Variants in TRARG1 observed in about 807,000 individuals in gnomAD.
TRARG1 encodes the protein trafficking regulator of GLUT4 (SLC2A4) 1 (gene/pseudogene).
A neutral mutation model predicts 13.3 loss-of-function variants in TRARG1; 16 were observed. That is an observed-to-expected ratio of 1.20 (90% confidence interval 0.81 to 1.83). The LOEUF is 1.83. Among genes scored for constraint, TRARG1 ranks in the 40% most tolerant of loss-of-function variants. The pLI, the probability that TRARG1 is intolerant of heterozygous loss-of-function variation, is 0.00. For missense variants in TRARG1, 250 were observed against 237.4 expected (o/e 1.05, Z -0.35); for synonymous variants, 113 against 106.2 (o/e 1.06, Z -0.39).
At chr17:1,294,708 G>A (rs1420393890) in intron 1 of TRARG1, among the ~76,000 whole-genome samples, 1 of 132,620 alleles carries the variant, frequency 7.5e-6, no homozygotes, top group African/African-American at 2.9e-5. Flanking sequence ...TTTTTTTTGA[G>A]ACGGAGTCTT....
chr17:1,298,112 G>T, intron 2 of TRARG1, 139 bp from the exon 3 acceptor site: 1 of 973,958 alleles, frequency 1.0e-6, no homozygotes, highest in South Asian at 1.8e-5. Flanking sequence ...AACCAAAGAG[G>T]TTCCCAAGCC....
chr17:1,290,461 A>G (rs2072061604), intron 1 of TRARG1, among the ~76,000 whole-genome samples: 2 of 151,664 alleles, frequency 1.3e-5, no homozygotes, highest in Admixed American at 6.6e-5. Context: ...ACGCCCGGCT[A>G]ATTTTTGTAT....
chr17:1,284,475 G>A (rs2072006409), intron 1 of TRARG1, among the ~76,000 whole-genome samples: 1 of 152,138 alleles, frequency 6.6e-6, no homozygotes. Context: ...TCAGCAGAGG[G>A]GACCCTCGTA....
At chr17:1,289,573 T>C (rs2072056027) in intron 1 of TRARG1, among the ~76,000 whole-genome samples, 1 of 150,966 alleles carries the variant, frequency 6.6e-6, no homozygotes, top group South Asian at 2.1e-4. Flanking sequence ...ACTCCCTCCT[T>C]CTTTCCCATC....
At chr17:1,287,859 G>C (rs562419270) in intron 1 of TRARG1, among the ~76,000 whole-genome samples, 2 of 151,640 alleles carry the variant, frequency 1.3e-5, no homozygotes, top group Non-Finnish European at 2.9e-5. Context: ...CACCATGTTG[G>C]TCAGGCTGGT....
chr17:1,280,539 C>T, intron 1 of TRARG1, 151 bp downstream of exon 1: 1 of 893,408 alleles, frequency 1.1e-6, no homozygotes, highest in East Asian at 2.5e-5. Flanking sequence ...CACTGGCCTC[C>T]TCCTTCCTCT....
At position 1,288,724 on chromosome 17, in the gene TRARG1, C is replaced by T. The variant is rs1451113642; in HGVS notation, c.388-6767C>T. 2.3e-4 allele frequency among the ~76,000 whole-genome samples: 11 copies of T among 47,828 alleles called. No individual in the cohort carries two copies. The East Asian group carries it at 3.8e-3, about 16-fold the overall frequency. The allele number at this position is 47,828 out of a possible 152,430, so 31.4% of individuals were successfully genotyped here. On this transcript the variant is annotated intron_variant, in intron 1 of 2. Coordinates refer to ENST00000333813, the MANE Select transcript of TRARG1 (RefSeq NM_172367.3). ...CCCCCACCGGGTTCCCCATCCCCCA[C>T]GGGTTCCCCATCCCCCACGGGCTCC... is the stretch of plus-strand genomic sequence containing the variant.
intron 2 of TRARG1, 111 bp from the exon 3 acceptor site, chr17:1,298,140 T>A (rs1481034485): frequency 1.1e-5 from 15 of 1,330,794 alleles, no homozygotes; most frequent in Non-Finnish European, 1.6e-5. Context: ...TCTCCCCTTA[T>A]CCCTATTACC....
rs1380818826 is a variant in TRARG1 at position 1,297,791 on chromosome 17, G to A, written c.521-460G>A. Among the ~76,000 whole-genome samples the A allele has an allele frequency of 7.9e-5, 12 of 151,920 alleles. 1 individual carries two copies. The highest frequency in any genetic ancestry group is 7.9e-4 in the Admixed American group (12 of 15,216). ...GTTAATTTTTGTTATTTGTAGTAGC[G>A]ATAGGGTTTCACCACGTTGGTCAGG... On this transcript the variant is annotated intron_variant, in intron 2 of 2. Transcript: ENST00000333813.
At chr17:1,295,701 G>T in intron 2 of TRARG1, 78 bp downstream of exon 2, 3 of 1,474,618 alleles carry the variant, frequency 2.0e-6, no homozygotes, top group Admixed American at 2.2e-5. Flanking sequence ...CCAGCCTCAG[G>T]GGCAGAGGTG....
intron 1 of TRARG1, among the ~76,000 whole-genome samples, chr17:1,284,570 G>A (rs990414182): frequency 6.6e-6 from 1 of 152,240 alleles, no homozygotes; most frequent in African/African-American, 2.4e-5. Context: ...AGAGTGGGTT[G>A]TACCGACCAT....
Position 1,280,155 on chromosome 17 carries a change from G to T in TRARG1, c.154G>T (p.Asp52Tyr). 6.2e-7 allele frequency: 1 copy of T among 1,613,900 alleles called. No homozygotes were observed. Among genetic ancestry groups the T allele is most frequent in the East Asian group, 2.2e-5 (1 of 44,890 alleles). Residue 52 changes from aspartate (D) to tyrosine (Y), a missense_variant, in exon 1 of 3, where the codon GAT becomes TAT. Transcript: ENST00000333813. The part of the protein sequence containing the change: ...NLSKTLSGPL[D>Y]LEQNSQGLPF... ...GTCCAAGACCCTCTCGGGGCCTCTG[G>T]ATCTGGAGCAGAACAGCCAGGGCCT...
At chr17:1,280,482 G>C (rs1338102664) in intron 1 of TRARG1, 94 bp downstream of exon 1, 1 of 1,306,770 alleles carries the variant, frequency 7.7e-7, no homozygotes, top group Admixed American at 2.3e-5. Flanking sequence ...CCAGGGTGTG[G>C]AGAAGAGAGA....
At chr17:1,294,691 C>CTT (rs35974763) in intron 1 of TRARG1, among the ~76,000 whole-genome samples, 75 of 130,396 alleles carry the variant, frequency 5.8e-4, no homozygotes, top group East Asian at 1.1e-3. Flanking sequence ...GTCTCAAACT[C>CTT]TTTTTTTTTT....
chr17:1,285,149 G>A (rs990676981), intron 1 of TRARG1, among the ~76,000 whole-genome samples: 100 of 151,702 alleles, frequency 6.6e-4, no homozygotes, highest in Non-Finnish European at 1.3e-3. Context: ...GCAGTGGCTC[G>A]TGCCTGTAAT....
chr17:1,293,283 CAAAAAAAA>C (rs55792385), intron 1 of TRARG1, among the ~76,000 whole-genome samples: 1 of 77,180 alleles, frequency 1.3e-5, no homozygotes, highest in Admixed American at 1.6e-4. Flanking sequence ...GACTCTGTCT[CAAAAAAAA>C]AAAAAAAAAA....
chr17:1,292,227 C>A (rs886312241), intron 1 of TRARG1, among the ~76,000 whole-genome samples: 3 of 152,108 alleles, frequency 2.0e-5, no homozygotes, highest in Non-Finnish European at 4.4e-5. Flanking sequence ...TGTAAGCTGG[C>A]CTGCATTTGG....
intron 1 of TRARG1, among the ~76,000 whole-genome samples, chr17:1,283,145 G>A (rs1276346040): frequency 6.6e-6 from 1 of 152,138 alleles, no homozygotes; most frequent in Non-Finnish European, 1.5e-5. Context: ...AAGTGCCCGT[G>A]GTAGACATAA....
chr17:1,284,147 G>GA (rs1567929152), intron 1 of TRARG1, among the ~76,000 whole-genome samples: 1 of 137,420 alleles, frequency 7.3e-6, no homozygotes, highest in Admixed American at 7.5e-5. Flanking sequence ...AGAAAGAAAA[G>GA]AAAGAAAGAA....
Sources: gnomAD v4.1 joint callset for allele counts (sites outside exome capture counted in the v4.1 genomes callset) on GRCh38, gnomAD v4.1.1 for gene constraint, MANE v1.5 for transcripts, NCBI Gene and HGNC (gene_info 2026-07-23, HGNC 2026-07-21) for gene names.